Variants in BCAS3 observed in about 807,000 individuals in gnomAD.
The protein encoded by BCAS3 is BCAS4/BCAS3 fusion.
Under a neutral mutation model 116.1 loss-of-function variants are expected in BCAS3, and 53 were observed. The ratio of observed to expected loss-of-function variants is 0.46; its 90% CI spans 0.37 to 0.57. The LOEUF (loss-of-function observed/expected upper bound fraction) is 0.57. Ranked by LOEUF, BCAS3 falls within the 20% of genes least tolerant of loss-of-function variation. The pLI is 0.00. For synonymous variants in BCAS3, 391 were observed against 408.2 expected, an observed-to-expected ratio of 0.96 and a Z score of 0.51; for missense variants, 917 against 1,165.4, an observed-to-expected ratio of 0.79 and a Z score of 3.10.
At chr17:60,904,436 CA>C (rs1054951036) in intron 11 of BCAS3, among the ~76,000 whole-genome samples, 6 of 151,460 alleles carry the variant, frequency 4.0e-5, no homozygotes, top group South Asian at 2.1e-4. Context: ...AACAAAACAA[CA>C]AAAAAAATGC....
chr17:60,795,872 T>C (rs905669124), intron 6 of BCAS3, among the ~76,000 whole-genome samples: 4 of 152,084 alleles, frequency 2.6e-5, no homozygotes, highest in Admixed American at 1.3e-4. Flanking sequence ...GTGTTTTTAG[T>C]AGAGACAGGG....
chr17:61,252,969 T>C (rs2048481562), intron 22 of BCAS3, among the ~76,000 whole-genome samples: 2 of 148,980 alleles, frequency 1.3e-5, no homozygotes, highest in Admixed American at 1.4e-4. Context: ...AACCTCCACC[T>C]CCTGGGTTCC....
In BCAS3 at chr17:60,725,136, T is replaced by C. The variant is rs374452595; in HGVS notation, c.321+15811T>C. ...CTTATTTCTTATTTATCTCTATTTTTAGAATAGTGATACTCAATTGATTCA... is the reference window on the plus strand; with the variant it reads ...CTTATTTCTTATTTATCTCTATTTTCAGAATAGTGATACTCAATTGATTCA... On this transcript the variant is annotated intron_variant, in intron 5 of 23. Transcript: ENST00000407086. 5.3e-5 allele frequency among the ~76,000 whole-genome samples: 8 copies of C among 152,236 alleles called. No individual in the cohort carries two copies. In the East Asian group the frequency reaches 5.8e-4, roughly 11 times the overall value.
chr17:60,986,534 T>C (rs2063154204), intron 14 of BCAS3, among the ~76,000 whole-genome samples: 1 of 152,204 alleles, frequency 6.6e-6, no homozygotes. Flanking sequence ...AAAAGCCTTT[T>C]TTTAAACTTG....
In BCAS3 at chr17:61,131,823, T is replaced by C. The variant is rs1306371630; in HGVS notation, c.2425+47259T>C. ...TGAAGACAAATGTTTCAGAGGGAGT[T>C]GAGAGAAAACCAGTCCTTGGCATTC... is the stretch of plus-strand genomic sequence containing the variant. On this transcript the variant is annotated intron_variant, in intron 22 of 23. Coordinates refer to ENST00000407086, the MANE Select transcript of BCAS3 (RefSeq NM_017679.5). The surrounding 1 kb of genome is among the most constrained non-coding windows in gnomAD (Gnocchi z 4.4). Among the ~76,000 whole-genome samples, 1 of 152,232 alleles carries C rather than the reference T, an allele frequency of 6.6e-6. No individual in the cohort carries two copies. Among genetic ancestry groups the C allele is most frequent in the East Asian group, 1.9e-4 (1 of 5,202 alleles).
intron 11 of BCAS3, among the ~76,000 whole-genome samples, chr17:60,909,836 A>G (rs184534540): frequency 2.6e-5 from 4 of 152,328 alleles, no homozygotes; most frequent in Admixed American, 6.5e-5. Context: ...AAATGTAATT[A>G]TAAACATCTT....
chr17:61,292,044 G>A lies in BCAS3; in HGVS notation c.2426-76283G>A, dbSNP rs138406024. Among the ~76,000 whole-genome samples the A allele has an allele frequency of 4.9e-3, 753 of 152,294 alleles. 8 individuals are homozygous for A. The highest frequency in any genetic ancestry group is 0.018 in the African/African-American group (732 of 41,548). On this transcript the variant is annotated intron_variant, in intron 22 of 23. Coordinates refer to ENST00000407086, the MANE Select transcript of BCAS3 (RefSeq NM_017679.5). ...AGGAACAAGAGGTTCAATCATTATA[G>A]AGTGGGGCGACAGGAGGCAGCTGCC...
Position 61,309,632 on chromosome 17 carries a change from C to T in BCAS3, c.2426-58695C>T, listed in dbSNP as rs578157832. On this transcript the variant is annotated intron_variant, in intron 22 of 23. Transcript: ENST00000407086. This position sits in a 1 kb window ranked among gnomAD's most constrained non-coding sequence, Gnocchi z 4.6. ...TCGAGTATTGCCTCCTTTCCTGAAG[C>T]GTGTTCTCCGTCCCAAGGAAAACAC... Among the ~76,000 whole-genome samples, 2 of 152,142 alleles carry T rather than the reference C, an allele frequency of 1.3e-5. No individual in the cohort carries two copies. Among genetic ancestry groups the T allele is most frequent in the African/African-American group, 4.8e-5 (2 of 41,430 alleles).
At chr17:60,931,442 A>AT (rs754984142) in intron 13 of BCAS3, among the ~76,000 whole-genome samples, 5 of 151,654 alleles carry the variant, frequency 3.3e-5, no homozygotes, top group African/African-American at 1.2e-4. Context: ...CACCTTGCTA[A>AT]TTTTTTGTAT....
intron 3 of BCAS3, among the ~76,000 whole-genome samples, chr17:60,684,596 C>T (rs2033748634): frequency 1.3e-5 from 2 of 151,896 alleles, no homozygotes; most frequent in Admixed American, 1.3e-4. Context: ...ACATAATTAT[C>T]ACTTGGCATA....
At chr17:60,934,431 AAATAT>A (rs1017541592) in intron 13 of BCAS3, among the ~76,000 whole-genome samples, 1 of 152,238 alleles carries the variant, frequency 6.6e-6, no homozygotes, top group African/African-American at 2.4e-5. Context: ...TGTCTACAAC[AAATAT>A]AACATAAATA....
chr17:61,138,735 G>GT (rs2076775884), intron 22 of BCAS3, among the ~76,000 whole-genome samples: 1 of 152,100 alleles, frequency 6.6e-6, no homozygotes, highest in African/African-American at 2.4e-5. Context: ...TAGAACATTT[G>GT]TTTTTTGGCT....
chr17:60,769,028 G>T (rs1354243234), intron 6 of BCAS3, among the ~76,000 whole-genome samples: 1 of 152,178 alleles, frequency 6.6e-6, no homozygotes, highest in Non-Finnish European at 1.5e-5. Context: ...ATAGTGGTGG[G>T]TGCCAGCTCT....
In BCAS3 at chr17:61,024,057, C is replaced by T. The variant is rs370482194; in HGVS notation, c.1637+8156C>T. ...TTTCCACTCTCATCTCACTTTAATA[C>T]GAAACTATAGCTGTGAACTTTTGGG... On this transcript the variant is annotated intron_variant, in intron 16 of 23. Coordinates refer to ENST00000407086, the MANE Select transcript of BCAS3 (RefSeq NM_017679.5). Among the ~76,000 whole-genome samples, 30 of 152,172 alleles carry T rather than the reference C, an allele frequency of 2.0e-4. No homozygotes were observed. In the South Asian group the frequency reaches 2.7e-3, roughly 14 times the overall value.
In BCAS3 at chr17:61,184,970, G is replaced by A. The variant is rs563318561; in HGVS notation, c.2425+100406G>A. Among the ~76,000 whole-genome samples the A allele has an allele frequency of 2.6e-5, 4 of 152,008 alleles. No homozygotes were observed. The South Asian group carries it at 8.3e-4, about 32-fold the overall frequency. On this transcript the variant is annotated intron_variant, in intron 22 of 23. Transcript: ENST00000407086. ...AATTGACTCTGAAGAGGGATAAGGG[G>A]ACTTTTTGGAGTGATGGAAATATTC... is the stretch of plus-strand genomic sequence containing the variant.
chr17:60,703,156 T>G (rs2036640818), intron 4 of BCAS3, among the ~76,000 whole-genome samples: 1 of 151,914 alleles, frequency 6.6e-6, no homozygotes, highest in Admixed American at 6.6e-5. Flanking sequence ...GTGCCTCTAA[T>G]CCCAGCTACT....
At chr17:60,752,827 A>G (rs11658334) in intron 6 of BCAS3, among the ~76,000 whole-genome samples, 110,683 of 152,064 alleles carry the variant, frequency 0.73, 46,010 homozygotes, top group South Asian at 0.98. Context: ...GATGGCAGAA[A>G]ATCCTATTCA....
intron 4 of BCAS3, among the ~76,000 whole-genome samples, chr17:60,693,769 A>G (rs1332120695): frequency 2.0e-5 from 3 of 151,710 alleles, no homozygotes; most frequent in Non-Finnish European, 4.4e-5. Context: ...TTTCATGTTC[A>G]ACAGGCCCTT....
Position 61,226,436 on chromosome 17 carries a change from T to G in BCAS3, c.2425+141872T>G, listed in dbSNP as rs777889067. ...CATTTCAAACTTTTGTATGGAGATCTTTGTTAAGTGGATTTTATGCTTGCT... is the reference window on the plus strand; with the variant it reads ...CATTTCAAACTTTTGTATGGAGATCGTTGTTAAGTGGATTTTATGCTTGCT... On this transcript the variant is annotated intron_variant, in intron 22 of 23. Coordinates refer to ENST00000407086, the MANE Select transcript of BCAS3 (RefSeq NM_017679.5). The surrounding 1 kb of genome is among the most constrained non-coding windows in gnomAD (Gnocchi z 6.0). 1.3e-5 allele frequency among the ~76,000 whole-genome samples: 2 copies of G among 152,232 alleles called. No individual in the cohort carries two copies. Among genetic ancestry groups the G allele is most frequent in the Non-Finnish European group, 2.9e-5 (2 of 68,046 alleles).
Sources: allele counts gnomAD v4.1 joint callset (sites outside exome capture counted in the v4.1 genomes callset), GRCh38; gene constraint gnomAD v4.1.1; non-coding constraint Gnocchi (gnomAD v3.1); transcripts MANE v1.5; gene names NCBI Gene and HGNC (gene_info 2026-07-23, HGNC 2026-07-21).